Variants in KIRREL2 observed in about 807,000 individuals in gnomAD.
KIRREL2 encodes the protein kin of IRRE-like protein 2.
In KIRREL2, 56 loss-of-function variants were observed where a neutral mutation model predicts 73.4. The ratio of observed to expected loss-of-function variants is 0.76; its 90% CI spans 0.62 to 0.95. The LOEUF is 0.95. KIRREL2 is among the 40% of genes least tolerant of loss of function. KIRREL2 has a pLI of 0.00. For missense variants in KIRREL2, 896 were observed against 935.0 expected, an observed-to-expected ratio of 0.96 and a Z score of 0.54; for synonymous variants, 407 against 404.0, an observed-to-expected ratio of 1.01 and a Z score of -0.09.
chr19:35,859,446 G>A lies in KIRREL2; in HGVS notation c.523-35G>A, dbSNP rs114083082. The stretch of plus-strand genomic sequence containing the variant: ...CCAAAAGATTGGACACCCCTGATGG[G>A]TAGATGGCATTATTATTCTTATCCT... On this transcript the variant is annotated intron_variant, in intron 4 of 14. Transcript: ENST00000360202. The A allele has an allele frequency of 7.5e-4, 1,204 of 1,603,104 alleles. 7 individuals carry two copies. The African/African-American group carries it at 0.013, about 18-fold the overall frequency.
At chr19:35,860,166 T>A in intron 5 of KIRREL2, 131 bp from the exon 6 acceptor site, 1 of 696,934 alleles carries the variant, frequency 1.4e-6, no homozygotes. Context: ...AAGCCCAGAC[T>A]CCTGGCTCAA....
At chr19:35,866,102 C>A in intron 14 of KIRREL2, 55 bp from the exon 15 acceptor site, 1 of 1,544,204 alleles carries the variant, frequency 6.5e-7, no homozygotes, top group Non-Finnish European at 8.8e-7. Context: ...CCATCAGTGA[C>A]CCTCATCCCC....
At chr19:35,863,442 T>TTTTTTA (rs773425855) in intron 13 of KIRREL2, among the ~76,000 whole-genome samples, 1 of 147,540 alleles carries the variant, frequency 6.8e-6, no homozygotes. Flanking sequence ...TTTTTTTTTT[T>TTTTTTA]ATGTAGGAGG....
rs1368213126 is a variant in KIRREL2 at position 35,866,607 on chromosome 19, G to A, written c.*115G>A. The A allele has an allele frequency of 9.7e-6, 14 of 1,436,480 alleles. No individual in the cohort carries two copies. Among genetic ancestry groups the A allele is most frequent in the Non-Finnish European group, 1.3e-5 (13 of 1,034,554 alleles). The allele number at this position is 1,436,480 out of a possible 1,614,324, so 89.0% of individuals were successfully genotyped here. Reference sequence around the variant, plus strand: ...ACTCCTCCAAAACTGAACACAAGGGGAGGGAAAGATCATTACATTTGTCAG... The same window carrying A: ...ACTCCTCCAAAACTGAACACAAGGGAAGGGAAAGATCATTACATTTGTCAG... On this transcript the variant is annotated 3_prime_UTR_variant, in exon 15 of 15. Coordinates refer to ENST00000360202, the MANE Select transcript of KIRREL2 (RefSeq NM_199180.4).
chr19:35,863,892 G>T (rs908881641), intron 13 of KIRREL2, among the ~76,000 whole-genome samples: 2 of 151,928 alleles, frequency 1.3e-5, no homozygotes, highest in Non-Finnish European at 2.9e-5. Context: ...TCCTGCCTCA[G>T]CCTCCAGAGT....
intron 14 of KIRREL2, among the ~76,000 whole-genome samples, chr19:35,865,173 C>CTTT (rs35569940): frequency 0.087 from 9,133 of 105,062 alleles, 1,152 homozygotes; most frequent in African/African-American, 0.16. Context: ...TCTCTCTCTT[C>CTTT]TTTTTTTTTT....
In KIRREL2 at chr19:35,858,743, T is replaced by G; in HGVS notation, c.401T>G (p.Val134Gly). ...CCCCAGGTGCTGGGCGGCCCCTCTGTGTCTCTGGTTGCTGGAGTTCCTGCG... is the reference window on the plus strand; with the variant it reads ...CCCCAGGTGCTGGGCGGCCCCTCTGGGTCTCTGGTTGCTGGAGTTCCTGCG... ...EAPQVLGGPSVSLVAGVPANL... is the reference protein window; with the variant it reads ...EAPQVLGGPSGSLVAGVPANL... Residue 134 changes from valine (V) to glycine (G), a missense_variant, in exon 4 of 15, where the codon GTG becomes GGG. Coordinates refer to ENST00000360202, the MANE Select transcript of KIRREL2 (RefSeq NM_199180.4). 1 of 1,614,188 alleles carries G rather than the reference T, an allele frequency of 6.2e-7. No homozygotes were observed. Among genetic ancestry groups the G allele is most frequent in the Non-Finnish European group, 8.5e-7 (1 of 1,180,030 alleles).
At chr19:35,860,786 G>C in intron 7 of KIRREL2, 119 bp downstream of exon 7, 1 of 1,581,318 alleles carries the variant, frequency 6.3e-7, no homozygotes. Flanking sequence ...AGGAGGAGGA[G>C]AGTGTGGAGC....
chr19:35,853,186 G>A (rs1351022548), upstream of KIRREL2, among the ~76,000 whole-genome samples: 1 of 152,212 alleles, frequency 6.6e-6, no homozygotes, highest in Non-Finnish European at 1.5e-5. Context: ...GGCTGGGAGA[G>A]TGTGGGAGAG....
At chr19:35,864,539 C>T (rs1973874625) in intron 13 of KIRREL2, 109 bp from the exon 14 acceptor site, 1 of 822,822 alleles carries the variant, frequency 1.2e-6, no homozygotes, top group Non-Finnish European at 2.1e-6. Context: ...CTTGGGTGCT[C>T]TTACTCCCTC....
chr19:35,865,685 C>T (rs892243341), intron 14 of KIRREL2, among the ~76,000 whole-genome samples: 1 of 152,244 alleles, frequency 6.6e-6, no homozygotes, highest in Non-Finnish European at 1.5e-5. Flanking sequence ...CAGCCCCTGT[C>T]ATTGCCTATG....
chr19:35,855,327 G>A (rs438199), upstream of KIRREL2, among the ~76,000 whole-genome samples: 9,129 of 151,850 alleles, frequency 0.06, 815 homozygotes, highest in African/African-American at 0.2. Flanking sequence ...CTCCACCTTG[G>A]CTGTTTTCCT....
Position 35,857,336 on chromosome 19 carries a change from C to G in KIRREL2, c.62-9C>G. Reference sequence around the variant, plus strand: ...CTAAGCTCAGCCCTGCTGCCCCGAACTCTCCTAGGCCCGTCGCCCCATTTC... The same window carrying G: ...CTAAGCTCAGCCCTGCTGCCCCGAAGTCTCCTAGGCCCGTCGCCCCATTTC... On this transcript the variant is annotated splice_polypyrimidine_tract_variant and intron_variant, in intron 1 of 14. Coordinates refer to ENST00000360202, the MANE Select transcript of KIRREL2 (RefSeq NM_199180.4). The G allele has an allele frequency of 6.2e-7, 1 of 1,612,208 alleles. No individual in the cohort carries two copies.
At chr19:35,861,502 A>G (rs776596599) in intron 9 of KIRREL2, 39 bp from the exon 10 acceptor site, 38 of 1,591,266 alleles carry the variant, frequency 2.4e-5, no homozygotes, top group Non-Finnish European at 3.1e-5. Flanking sequence ...TGGGGAGGGC[A>G]AGACCTCTCC....
upstream of KIRREL2, among the ~76,000 whole-genome samples, chr19:35,855,377 C>T (rs1301929146): frequency 1.3e-5 from 2 of 152,042 alleles, no homozygotes; most frequent in African/African-American, 2.4e-5. Context: ...TCCATCTTTC[C>T]ATGTCCGTAG....
rs1346663149 is a variant in KIRREL2 at position 35,864,650 on chromosome 19, C to A, written c.1728C>A (p.Gly576=). Residue 576 remains glycine (G), a splice_region_variant and synonymous_variant, in exon 14 of 15, where the codon GGC becomes GGA. Coordinates refer to ENST00000360202, the MANE Select transcript of KIRREL2 (RefSeq NM_199180.4). ...TCTCACTAAGTTCCCTACCCCAGGGCCCCATTGTGCACACTGACCACAGTG... is the reference window on the plus strand; with the variant it reads ...TCTCACTAAGTTCCCTACCCCAGGGACCCATTGTGCACACTGACCACAGTG... ...EEETGSREDR[G]PIVHTDHSDL... is the part of the protein sequence containing the mutation. The A allele has an allele frequency of 1.2e-6, 2 of 1,612,308 alleles. No homozygotes were observed. Among genetic ancestry groups the A allele is most frequent in the Admixed American group, 1.7e-5 (1 of 59,990 alleles).
Position 35,856,930 on chromosome 19 carries a change from C to T in KIRREL2, c.-190C>T, listed in dbSNP as rs1201936350. 4.3e-6 allele frequency: 3 copies of T among 691,486 alleles called. No homozygotes were observed. Among genetic ancestry groups the T allele is most frequent in the Non-Finnish European group, 7.9e-6 (3 of 379,910 alleles). The allele number at this position is 691,486 out of a possible 1,614,324, so 42.8% of individuals were successfully genotyped here. A position where few individuals can be genotyped will look rare whatever the true frequency, so the allele number is the denominator to read the frequency against. On this transcript the variant is annotated 5_prime_UTR_variant, in exon 1 of 15. Coordinates refer to ENST00000360202, the MANE Select transcript of KIRREL2 (RefSeq NM_199180.4). The surrounding 1 kb of genome is among the most constrained non-coding windows in gnomAD (Gnocchi z 5.9). The stretch of plus-strand genomic sequence containing the variant: ...TCTCCCAGAGACCCAGGCCGCGGAA[C>T]TGGCAGGCGTTTCAGAGCGTCAGAG...
At chr19:35,852,035 AT>A (rs1276713543), upstream of KIRREL2, among the ~76,000 whole-genome samples, 1 of 145,050 alleles carries the variant, frequency 6.9e-6, no homozygotes, top group Non-Finnish European at 1.5e-5. Context: ...CTCAGTCTCA[AT>A]CTCTGAGTCT....
At position 35,858,446 on chromosome 19, in the gene KIRREL2, G is replaced by A; in HGVS notation, c.250G>A (p.Gly84Ser). ...RYWISGNAAN[G>S]QHDLHIRPVE... The stretch of plus-strand genomic sequence containing the variant: ...CTGGATATCAGGGAATGCAGCCAAT[G>A]GCCAGCATGACCTCCACATTAGGCC... The change falls in exon 3 of 15, where the codon GGC (glycine) becomes AGC (serine). Residue 84 changes from glycine (G) to serine (S), a missense_variant. Physicochemically the swap from Gly to Ser is moderately conservative, Grantham distance 56 (BLOSUM62 0). Transcript: ENST00000360202. 1 of 1,614,146 alleles carries A rather than the reference G, an allele frequency of 6.2e-7. No homozygotes were observed. The highest frequency in any genetic ancestry group is 8.5e-7 in the Non-Finnish European group (1 of 1,180,020).
Sources: allele counts gnomAD v4.1 joint callset (sites outside exome capture counted in the v4.1 genomes callset), GRCh38; gene constraint gnomAD v4.1.1; non-coding constraint Gnocchi (gnomAD v3.1); transcripts MANE v1.5; gene names NCBI Gene and HGNC (gene_info 2026-07-23, HGNC 2026-07-21).